Variants in SYNE3 observed in about 807,000 individuals in gnomAD.
SYNE3 encodes nesprin-3.
Under a neutral mutation model 111.2 loss-of-function variants are expected in SYNE3, and 100 were observed. The observed-to-expected ratio is 0.90, with a 90% CI of 0.77 to 1.06. SYNE3 has a LOEUF of 1.06. SYNE3 is among the 50% of genes least tolerant of loss of function. The pLI is 0.00. For missense variants in SYNE3, 1,160 were observed against 1,240.3 expected, an observed-to-expected ratio of 0.94 and a Z score of 0.97; for synonymous variants, 547 against 533.9, an observed-to-expected ratio of 1.02 and a Z score of -0.34.
At chr14:95,423,046 T>C (rs1201375) in intron 17 of SYNE3, among the ~76,000 whole-genome samples, 112,680 of 152,114 alleles carry the variant, frequency 0.74, 42,215 homozygotes, top group Non-Finnish European at 0.82. Flanking sequence ...TCAGAGGCTC[T>C]GGGAATTTCC....
rs1355367389 is a variant in SYNE3 at position 95,438,976 on chromosome 14, C to T, written c.2376+57G>A. Reference sequence around the variant, plus strand: ...AGGGGCCTGTGCTGGAGACCCCTACCCACCTCTTGACCTGGGGCCTGGCCC... The same window carrying T: ...AGGGGCCTGTGCTGGAGACCCCTACTCACCTCTTGACCTGGGGCCTGGCCC... On this transcript the variant is annotated intron_variant, in intron 14 of 17. Coordinates refer to ENST00000682763, the MANE Select transcript of SYNE3 (RefSeq NM_152592.6). 25 of 1,606,370 alleles carry T rather than the reference C, an allele frequency of 1.6e-5. No individual in the cohort carries two copies. The South Asian group carries it at 2.2e-4, about 14-fold the overall frequency.
At chr14:95,472,711 C>T (rs560435156) in intron 2 of SYNE3, among the ~76,000 whole-genome samples, 1 of 152,330 alleles carries the variant, frequency 6.6e-6, no homozygotes, top group East Asian at 1.9e-4. Flanking sequence ...CCCGGGCCTG[C>T]AGACCCAGTA....
chr14:95,416,249 G>A lies in SYNE3; in HGVS notation c.*1577C>T, dbSNP rs1903578514. On this transcript the variant is annotated 3_prime_UTR_variant, in exon 18 of 18. Transcript: ENST00000682763. Reference sequence around the variant, plus strand: ...ACAGTGAAAGGCAAAGGGTCAGTGTGTGTGAGACAGCAATGGTGCTGGGTA... The same window carrying A: ...ACAGTGAAAGGCAAAGGGTCAGTGTATGTGAGACAGCAATGGTGCTGGGTA... 1 of 152,198 alleles carries A rather than the reference G, an allele frequency of 6.6e-6. No individual in the cohort carries two copies. Among genetic ancestry groups the A allele is most frequent in the South Asian group, 2.1e-4 (1 of 4,830 alleles). The allele number at this position is 152,198 out of a possible 1,614,324, so 9.4% of individuals were successfully genotyped here.
chr14:95,452,464 C>A (rs1887153611), intron 6 of SYNE3, 81 bp from the exon 7 acceptor site: 2 of 1,449,426 alleles, frequency 1.4e-6, no homozygotes, highest in South Asian at 1.5e-5. Context: ...GTGAGCGTGG[C>A]CAGTGGAGGT....
Position 95,409,154 on chromosome 14 carries a change from G to A in SYNE3, c.*8672C>T. 2.2e-6 allele frequency: 1 copy of A among 456,756 alleles called. No individual in the cohort carries two copies. Among genetic ancestry groups the A allele is most frequent in the Non-Finnish European group, 4.4e-6 (1 of 226,976 alleles). The allele number at this position is 456,756 out of a possible 1,614,324, so 28.3% of individuals were successfully genotyped here. On this transcript the variant is annotated 3_prime_UTR_variant, in exon 18 of 18. Coordinates refer to ENST00000682763, the MANE Select transcript of SYNE3 (RefSeq NM_152592.6). ...AGGCCCAGGGAACATTCCATAGAGT[G>A]GAGCACTGGGCTCGGAGCCAGTCAT... is the stretch of plus-strand genomic sequence containing the variant.
At chr14:95,436,760 T>G in intron 15 of SYNE3, 60 bp downstream of exon 15, 1 of 1,580,540 alleles carries the variant, frequency 6.3e-7, no homozygotes, top group South Asian at 1.1e-5. Flanking sequence ...AACTCCCTGG[T>G]GGCAAATGCC....
intron 3 of SYNE3, among the ~76,000 whole-genome samples, chr14:95,466,979 G>A (rs924310644): frequency 2.6e-5 from 4 of 152,330 alleles, no homozygotes; most frequent in Admixed American, 2.6e-4. Context: ...GGGAGCCTGC[G>A]TGTGCGTTCC....
intron 8 of SYNE3, chr14:95,449,441 A>C (rs1886920030): frequency 2.0e-6 from 2 of 985,304 alleles, no homozygotes; most frequent in Admixed American, 1.2e-4. Context: ...TGTTCATGGG[A>C]GATGCACGTT....
intron 1 of SYNE3, among the ~76,000 whole-genome samples, chr14:95,506,909 G>C (rs902002354): frequency 1.3e-5 from 2 of 152,160 alleles, no homozygotes; most frequent in African/African-American, 4.8e-5. Flanking sequence ...CTGAGGTCCA[G>C]GAGCACAGAG....
At chr14:95,455,766 AAG>A (rs1290223851) in intron 5 of SYNE3, 42 bp from the exon 6 acceptor site, 2 of 1,590,988 alleles carry the variant, frequency 1.3e-6, no homozygotes, top group South Asian at 1.1e-5. Flanking sequence ...GGCAGGGAAA[AAG>A]AATACAGTTG....
rs1226582368 is a variant in SYNE3 at position 95,502,372 on chromosome 14, G to A, written c.-15+14224C>T. ...AGCAGCCTTTCCTCTGGGATGGAGA[G>A]GGAGACTTGCTCTGGGTTATGGACG... On this transcript the variant is annotated intron_variant, in intron 1 of 17. Transcript: ENST00000682763. Among the ~76,000 whole-genome samples the A allele has an allele frequency of 2.0e-5, 3 of 151,814 alleles. No individual in the cohort carries two copies. The East Asian group carries it at 5.9e-4, about 30-fold the overall frequency.
At chr14:95,499,467 C>G (rs187421105) in intron 1 of SYNE3, among the ~76,000 whole-genome samples, 113 of 152,274 alleles carry the variant, frequency 7.4e-4, no homozygotes, top group African/African-American at 2.6e-3. Flanking sequence ...GCTGGTCCCT[C>G]TGCCCTTCTC....
At chr14:95,426,253 G>T (rs1162454714) in intron 17 of SYNE3, among the ~76,000 whole-genome samples, 1 of 152,220 alleles carries the variant, frequency 6.6e-6, no homozygotes, top group African/African-American at 2.4e-5. Flanking sequence ...GCCGTGGGAT[G>T]ACACAGAGCA....
rs1178555275 is a variant in SYNE3 at position 95,433,272 on chromosome 14, A to C, written c.2676T>G (p.Ser892=). 1.9e-6 allele frequency: 3 copies of C among 1,613,830 alleles called. No individual in the cohort carries two copies. Among genetic ancestry groups the C allele is most frequent in the Non-Finnish European group, 2.5e-6 (3 of 1,179,892 alleles). Reference sequence around the variant, plus strand: ...CCTTGGCACCTACCAGCAGGTGGCCAGAGTCCTTCAGCTTGGACTTGTACA... The same window carrying C: ...CCTTGGCACCTACCAGCAGGTGGCCCGAGTCCTTCAGCTTGGACTTGTACA... ...WMLYKSKLKD[S]GHLLTQSSPG... Residue 892 remains serine (S), a synonymous_variant, in exon 16 of 18, where the codon TCT becomes TCG. Coordinates refer to ENST00000682763, the MANE Select transcript of SYNE3 (RefSeq NM_152592.6).
intron 17 of SYNE3, among the ~76,000 whole-genome samples, chr14:95,427,350 TC>T: frequency 6.6e-6 from 1 of 152,214 alleles, no homozygotes; most frequent in South Asian, 2.1e-4. Flanking sequence ...AAGACTCTAC[TC>T]CTCCACCTCT....
At chr14:95,434,625 T>A (rs536019513) in intron 15 of SYNE3, among the ~76,000 whole-genome samples, 16 of 151,644 alleles carry the variant, frequency 1.1e-4, no homozygotes, top group South Asian at 4.2e-4. Flanking sequence ...CAGTAGCAAA[T>A]AAAATCAACT....
intron 5 of SYNE3, among the ~76,000 whole-genome samples, chr14:95,456,719 TCTC>T (rs920479268): frequency 2.6e-5 from 4 of 152,054 alleles, no homozygotes; most frequent in Non-Finnish European, 5.9e-5. Context: ...ATTCCACACT[TCTC>T]CTCACGGGGG....
rs182286283 is a variant in SYNE3, at chr14:95,426,708, G to A, written c.2727+5371C>T. On this transcript the variant is annotated intron_variant, in intron 17 of 17. Transcript: ENST00000682763. ...AGAATAGTTATACTATTGGGAGACC[G>A]AGGTGGGTGGATCATGAGATCAGGA... 4.9e-4 allele frequency among the ~76,000 whole-genome samples: 74 copies of A among 151,936 alleles called. 2 individuals are homozygous for A. Among genetic ancestry groups the A allele is most frequent in the African/African-American group, 1.6e-3 (67 of 41,442 alleles).
At chr14:95,465,730 A>G (rs1888121523) in intron 4 of SYNE3, among the ~76,000 whole-genome samples, 1 of 151,578 alleles carries the variant, frequency 6.6e-6, no homozygotes, top group Non-Finnish European at 1.5e-5. Flanking sequence ...TTTAGTGGGG[A>G]GGTAGATGGG....
Sources: gnomAD v4.1 joint callset for allele counts (sites outside exome capture counted in the v4.1 genomes callset) on GRCh38, gnomAD v4.1.1 for gene constraint, MANE v1.5 for transcripts, NCBI Gene and HGNC (gene_info 2026-07-23, HGNC 2026-07-21) for gene names.